The following CDK19 variants were observed in gnomAD, a reference collection of about 807,000 sequenced individuals.
The protein encoded by CDK19 is cyclin-dependent kinase 19.
In CDK19, 20 loss-of-function variants were observed where a neutral mutation model predicts 68.3. The ratio of observed to expected loss-of-function variants is 0.29; its 90% CI spans 0.21 to 0.43. The LOEUF (loss-of-function observed/expected upper bound fraction) is 0.43, where lower values mean the gene tolerates loss of function less well. CDK19 is among the 20% of genes least tolerant of loss of function. The pLI, the probability that CDK19 is intolerant of heterozygous loss-of-function variation, is 1.00. For missense variants in CDK19, 339 were observed against 623.5 expected, an observed-to-expected ratio of 0.54 and a Z score of 4.86; for synonymous variants, 221 against 222.8, an observed-to-expected ratio of 0.99 and a Z score of 0.07.
intron 2 of CDK19, among the ~76,000 whole-genome samples, chr6:110,674,416 T>G (rs1771298371): frequency 6.6e-6 from 1 of 152,194 alleles, no homozygotes; most frequent in Non-Finnish European, 1.5e-5. Flanking sequence ...ACACTGAAAG[T>G]TCAAACAGGC....
At chr6:110,665,901 C>A (rs1781894562) in intron 4 of CDK19, among the ~76,000 whole-genome samples, 2 of 151,946 alleles carry the variant, frequency 1.3e-5, no homozygotes, top group African/African-American at 4.8e-5. Context: ...CACACCACGC[C>A]CAGCCAATTT....
intron 1 of CDK19, among the ~76,000 whole-genome samples, chr6:110,753,593 C>T (rs1371923959): frequency 6.6e-6 from 1 of 151,380 alleles, no homozygotes; most frequent in Non-Finnish European, 1.5e-5. Context: ...ACTATGTTTC[C>T]CAGGCTGGTC....
At chr6:110,624,792 T>C (rs957681409) in intron 8 of CDK19, among the ~76,000 whole-genome samples, 1 of 152,212 alleles carries the variant, frequency 6.6e-6, no homozygotes, top group Non-Finnish European at 1.5e-5. Flanking sequence ...AAATCTGATG[T>C]GCATGGCAGG....
intron 1 of CDK19, among the ~76,000 whole-genome samples, chr6:110,781,046 T>C (rs188047904): frequency 2.0e-5 from 3 of 152,260 alleles, no homozygotes; most frequent in East Asian, 3.9e-4. Flanking sequence ...ATCCAAAAAG[T>C]TGTAAGGACA....
At chr6:110,701,119 C>T (rs1030673423) in intron 2 of CDK19, among the ~76,000 whole-genome samples, 7 of 151,862 alleles carry the variant, frequency 4.6e-5, no homozygotes, top group African/African-American at 1.4e-4. Context: ...CAGGAGAATT[C>T]CTAGAACCTG....
chr6:110,688,042 G>A (rs1772638685), intron 2 of CDK19, among the ~76,000 whole-genome samples: 1 of 152,000 alleles, frequency 6.6e-6, no homozygotes, highest in African/African-American at 2.4e-5. Flanking sequence ...CACATACTTC[G>A]ATACACTTCA....
chr6:110,727,810 TA>T (rs530437032), intron 2 of CDK19, among the ~76,000 whole-genome samples: 22 of 144,370 alleles, frequency 1.5e-4, no homozygotes, highest in Non-Finnish European at 2.0e-4. Flanking sequence ...TCATCTCTAC[TA>T]AAAAAAAAAG....
intron 2 of CDK19, among the ~76,000 whole-genome samples, chr6:110,737,259 G>C (rs1276870310): frequency 6.6e-6 from 1 of 152,130 alleles, no homozygotes; most frequent in Non-Finnish European, 1.5e-5. Flanking sequence ...ATCAGAAACT[G>C]ATGAGCAAAG....
chr6:110,684,282 A>G (rs1772261479), intron 2 of CDK19, among the ~76,000 whole-genome samples: 1 of 151,928 alleles, frequency 6.6e-6, no homozygotes, highest in Non-Finnish European at 1.5e-5. Context: ...GACTCTATGT[A>G]GTCTTCTTTA....
intron 12 of CDK19, among the ~76,000 whole-genome samples, chr6:110,620,428 T>C (rs977141421): frequency 2.0e-5 from 3 of 152,160 alleles, no homozygotes; most frequent in African/African-American, 7.2e-5. Context: ...CCCTTCTTCC[T>C]AGATGGTTTC....
chr6:110,805,905 A>G (rs540722888), intron 1 of CDK19, among the ~76,000 whole-genome samples: 272 of 152,076 alleles, frequency 1.8e-3, no homozygotes, highest in African/African-American at 5.8e-3. Flanking sequence ...AAAGTAGCTT[A>G]AGCCCAGGAG....
chr6:110,789,285 C>CT (rs553847560), intron 1 of CDK19, among the ~76,000 whole-genome samples: 2,390 of 145,408 alleles, frequency 0.016, 43 homozygotes, highest in Middle Eastern at 0.046. Flanking sequence ...TAAATTTTAA[C>CT]TTTTTTTTTT....
chr6:110,635,970 G>A (rs1419313629), intron 5 of CDK19, among the ~76,000 whole-genome samples: 1 of 152,184 alleles, frequency 6.6e-6, no homozygotes, highest in Non-Finnish European at 1.5e-5. Flanking sequence ...AAACTATCTT[G>A]ATTGTCCATT....
At chr6:110,797,243 G>C (rs1043429559) in intron 1 of CDK19, among the ~76,000 whole-genome samples, 1 of 151,918 alleles carries the variant, frequency 6.6e-6, no homozygotes, top group African/African-American at 2.4e-5. Flanking sequence ...GGGAGGCTGA[G>C]GCAGGAGAAT....
chr6:110,719,984 C>G lies in CDK19; in HGVS notation c.204+26142G>C, dbSNP rs1383248312. On this transcript the variant is annotated intron_variant, in intron 2 of 12. Coordinates refer to ENST00000368911, the MANE Select transcript of CDK19 (RefSeq NM_015076.5). ...GACCTTGTGATCCGCCCCCCCCCCC[C>G]CACCCCCCCCCTGCTTCGGCCTCCC... Among the ~76,000 whole-genome samples, 151 of 88,014 alleles carry G rather than the reference C, an allele frequency of 1.7e-3. 2 individuals are homozygous for G. The South Asian group carries it at 0.039, about 23-fold the overall frequency. 57.7% of individuals were successfully genotyped at this position (88,014 alleles called of 152,430 possible). A position where few individuals can be genotyped will look rare whatever the true frequency, so the allele number is the denominator to read the frequency against.
intron 1 of CDK19, among the ~76,000 whole-genome samples, chr6:110,747,645 T>C (rs1024302184): frequency 3.9e-5 from 6 of 152,222 alleles, no homozygotes; most frequent in Non-Finnish European, 2.9e-5. Flanking sequence ...TTATATTGCC[T>C]TTAAAAAGCC....
At chr6:110,639,115 T>C (rs1342601828) in intron 4 of CDK19, among the ~76,000 whole-genome samples, 1 of 152,222 alleles carries the variant, frequency 6.6e-6, no homozygotes, top group Non-Finnish European at 1.5e-5. Flanking sequence ...CCTTCCTAAA[T>C]ATTTCTAAAC....
chr6:110,634,248 G>A lies in CDK19; in HGVS notation c.515-2087C>T, dbSNP rs1321664585. Among the ~76,000 whole-genome samples the A allele has an allele frequency of 5.9e-5, 9 of 152,140 alleles. No individual in the cohort carries two copies. The South Asian group carries it at 1.7e-3, about 28-fold the overall frequency. On this transcript the variant is annotated intron_variant, in intron 5 of 12. Coordinates refer to ENST00000368911, the MANE Select transcript of CDK19 (RefSeq NM_015076.5). Reference sequence around the variant, plus strand: ...TGTTTTTGTTTTGAGATGGAGTCTCGCTCTGTTGCCCAGGCTGGAGTGCTG... The same window carrying A: ...TGTTTTTGTTTTGAGATGGAGTCTCACTCTGTTGCCCAGGCTGGAGTGCTG...
At chr6:110,643,103 C>T in intron 4 of CDK19, 1 of 875,978 alleles carries the variant, frequency 1.1e-6, no homozygotes, top group South Asian at 1.7e-5. Context: ...TGCTACCCCA[C>T]AATCACTAAG....
Sources: gnomAD v4.1 joint callset for allele counts (sites outside exome capture counted in the v4.1 genomes callset) on GRCh38, gnomAD v4.1.1 for gene constraint, MANE v1.5 for transcripts, NCBI Gene and HGNC (gene_info 2026-07-23, HGNC 2026-07-21) for gene names.